The following ADAM12 variants were observed in gnomAD, a reference collection of about 807,000 sequenced individuals.
ADAM12 encodes the protein disintegrin and metalloproteinase domain-containing protein 12.
ADAM12 carries 70 observed loss-of-function variants against 106.4 expected under a neutral mutation model. That is an observed-to-expected ratio of 0.66 (90% CI 0.54 to 0.80). The LOEUF is 0.80. ADAM12 is among the 30% of genes least tolerant of loss of function. The pLI is 0.00. For synonymous variants in ADAM12, 420 were observed against 433.5 expected (o/e 0.97, Z 0.39); for missense variants, 1,010 against 1,171.9 (o/e 0.86, Z 2.02).
chr10:126,083,856 A>G (rs551318918), intron 11 of ADAM12, among the ~76,000 whole-genome samples: 5 of 152,360 alleles, frequency 3.3e-5, no homozygotes, highest in South Asian at 4.1e-4. Context: ...CTCAAACGAT[A>G]GAACAGAACC....
At position 126,043,574 on chromosome 10, in the gene ADAM12, G is replaced by A. The variant is rs528248094; in HGVS notation, c.1996-426C>T. Among the ~76,000 whole-genome samples the A allele has an allele frequency of 3.3e-5, 5 of 152,310 alleles. No homozygotes were observed. The highest frequency in any genetic ancestry group is 2.1e-4 in the South Asian group (1 of 4,828). On this transcript the variant is annotated intron_variant, in intron 17 of 22. Coordinates refer to ENST00000448723, the MANE Select transcript of ADAM12 (RefSeq NM_001288973.2). This position sits in a 1 kb window ranked among gnomAD's most constrained non-coding sequence, Gnocchi z 4.1. ...CCGCGGGACCTGACAGATGCTTGGC[G>A]CATCCCTGTCTCCTTCAGACAGAAG... is the stretch of plus-strand genomic sequence containing the variant.
At chr10:126,091,946 T>C (rs539941365) in intron 11 of ADAM12, among the ~76,000 whole-genome samples, 2 of 152,102 alleles carry the variant, frequency 1.3e-5, no homozygotes, top group East Asian at 3.9e-4. Flanking sequence ...GATGGGTGGA[T>C]GGATAGATGG....
At chr10:126,369,485 G>A (rs911185019) in intron 1 of ADAM12, among the ~76,000 whole-genome samples, 7 of 152,162 alleles carry the variant, frequency 4.6e-5, no homozygotes, top group East Asian at 1.9e-4. Context: ...ACCAAGAACC[G>A]GCTGCCTGTG....
At chr10:126,058,037 C>T (rs955893626) in intron 14 of ADAM12, among the ~76,000 whole-genome samples, 4 of 152,210 alleles carry the variant, frequency 2.6e-5, no homozygotes, top group Admixed American at 2.6e-4. Context: ...GAGTCAGTGT[C>T]TTCCTTGGAA....
intron 1 of ADAM12, among the ~76,000 whole-genome samples, 176 bp from the exon 2 acceptor site, chr10:126,330,685 A>C (rs1337276605): frequency 1.3e-5 from 2 of 152,222 alleles, no homozygotes; most frequent in Non-Finnish European, 2.9e-5. Flanking sequence ...CTGTCAATCT[A>C]ACCATGAAAA....
chr10:126,025,337 TAG>T, intron 21 of ADAM12, among the ~76,000 whole-genome samples: 1 of 152,234 alleles, frequency 6.6e-6, no homozygotes, highest in East Asian at 1.9e-4. Flanking sequence ...CAAAATAGTT[TAG>T]AGAGGAACAT....
chr10:126,199,842 G>C (rs1957665760), intron 3 of ADAM12, among the ~76,000 whole-genome samples: 2 of 152,080 alleles, frequency 1.3e-5, no homozygotes, highest in South Asian at 2.1e-4. Context: ...CTTGAGAAAG[G>C]CATTAAGGTT....
intron 18 of ADAM12, chr10:126,041,626 T>C: frequency 1.0e-6 from 1 of 987,044 alleles, no homozygotes; most frequent in Non-Finnish European, 1.2e-6. Flanking sequence ...GGGTCTCTGA[T>C]AAATTAAAAA....
At chr10:126,236,190 C>T (rs368623989) in intron 3 of ADAM12, among the ~76,000 whole-genome samples, 1 of 152,160 alleles carries the variant, frequency 6.6e-6, no homozygotes, top group Non-Finnish European at 1.5e-5. Flanking sequence ...AGAGAGTGTC[C>T]GTGGAGACAA....
At chr10:126,157,839 G>A (rs1461842352) in intron 3 of ADAM12, among the ~76,000 whole-genome samples, 1 of 151,738 alleles carries the variant, frequency 6.6e-6, no homozygotes, top group African/African-American at 2.4e-5. Flanking sequence ...GCCCTGTCAC[G>A]CAGTCATGAG....
intron 3 of ADAM12, among the ~76,000 whole-genome samples, chr10:126,163,111 C>A (rs1956965268): frequency 6.6e-6 from 1 of 152,188 alleles, no homozygotes; most frequent in South Asian, 2.1e-4. Context: ...GAGGCTTCCC[C>A]AGAAGCTGAG....
At chr10:126,028,442 GCATGGTACTGATA>G (rs1953916784) in intron 21 of ADAM12, among the ~76,000 whole-genome samples, 1 of 152,106 alleles carries the variant, frequency 6.6e-6, no homozygotes, top group Admixed American at 6.5e-5. Context: ...AACCAAAATG[GCATGGTACTGATA>G]CAGACACATA....
At chr10:126,379,284 AC>A (rs1275136955) in intron 1 of ADAM12, among the ~76,000 whole-genome samples, 1 of 152,256 alleles carries the variant, frequency 6.6e-6, no homozygotes, top group African/African-American at 2.4e-5. Context: ...AATACTTGGA[AC>A]CAATCCAAAT....
chr10:126,296,561 A>G (rs1247025833), intron 2 of ADAM12, among the ~76,000 whole-genome samples: 2 of 152,204 alleles, frequency 1.3e-5, no homozygotes, highest in African/African-American at 4.8e-5. Flanking sequence ...TCTCCCTGCC[A>G]CGTGGTTACA....
At chr10:126,211,980 T>A (rs748402901) in intron 3 of ADAM12, among the ~76,000 whole-genome samples, 1 of 152,084 alleles carries the variant, frequency 6.6e-6, no homozygotes, top group Non-Finnish European at 1.5e-5. Context: ...AAGTCCAGAG[T>A]GGGAGGCAGA....
intron 11 of ADAM12, among the ~76,000 whole-genome samples, chr10:126,088,431 T>A (rs1170603787): frequency 6.6e-6 from 1 of 151,880 alleles, no homozygotes; most frequent in Non-Finnish European, 1.5e-5. Flanking sequence ...CTGTGCATGG[T>A]CACTTACACC....
At chr10:126,279,087 G>A (rs1031026907) in intron 2 of ADAM12, 99 bp from the exon 3 acceptor site, 19 of 877,460 alleles carry the variant, frequency 2.2e-5, no homozygotes, top group African/African-American at 5.0e-5. Context: ...GGGAATAAAC[G>A]ATGCGGTCAA....
chr10:126,180,459 T>A (rs1957293376), intron 3 of ADAM12, among the ~76,000 whole-genome samples: 1 of 152,188 alleles, frequency 6.6e-6, no homozygotes, highest in Non-Finnish European at 1.5e-5. Context: ...GCATGTAACG[T>A]TTATTGCTAT....
chr10:126,063,261 C>T (rs1954795261), intron 14 of ADAM12, among the ~76,000 whole-genome samples: 1 of 152,214 alleles, frequency 6.6e-6, no homozygotes, highest in Admixed American at 6.5e-5. Flanking sequence ...GCTCGTCCCT[C>T]CTTGCTACCA....
Sources: gnomAD v4.1 joint callset for allele counts (sites outside exome capture counted in the v4.1 genomes callset) on GRCh38, gnomAD v4.1.1 for gene constraint, Gnocchi (gnomAD v3.1) non-coding constraint, MANE v1.5 for transcripts, NCBI Gene and HGNC (gene_info 2026-07-23, HGNC 2026-07-21) for gene names.